TRPC4: variants seen among roughly 807,000 people sequenced by gnomAD.
The protein encoded by TRPC4 is transient receptor potential cation channel subfamily C member 4.
Under a neutral mutation model 99.4 loss-of-function variants are expected in TRPC4, and 49 were observed. That is an observed-to-expected ratio of 0.49 (90% CI 0.39 to 0.63). The LOEUF (loss-of-function observed/expected upper bound fraction) is 0.63, where lower values mean the gene tolerates loss of function less well. Ranked by LOEUF, TRPC4 falls within the 20% of genes least tolerant of loss-of-function variation. The pLI is 0.00. For missense variants in TRPC4, 898 were observed against 1,152.9 expected (o/e 0.78, Z 3.20); for synonymous variants, 454 against 425.9 (o/e 1.07, Z -0.81).
intron 3 of TRPC4, among the ~76,000 whole-genome samples, chr13:37,702,199 T>C (rs1004594601): frequency 6.6e-6 from 1 of 152,190 alleles, no homozygotes; most frequent in African/African-American, 2.4e-5. Context: ...AGATAACCAG[T>C]CATATTGGAG....
chr13:37,730,158 C>A (rs1955196911), intron 3 of TRPC4, among the ~76,000 whole-genome samples: 1 of 151,920 alleles, frequency 6.6e-6, no homozygotes, highest in African/African-American at 2.4e-5. Flanking sequence ...TTTGAAAATG[C>A]AATGGATCTC....
At chr13:37,668,230 G>C (rs193268913) in intron 5 of TRPC4, among the ~76,000 whole-genome samples, 3 of 152,254 alleles carry the variant, frequency 2.0e-5, no homozygotes, top group Admixed American at 2.0e-4. Flanking sequence ...ATGTACCCTA[G>C]TTTGGTTTTT....
intron 3 of TRPC4, among the ~76,000 whole-genome samples, chr13:37,716,462 G>A (rs1042079660): frequency 4.6e-5 from 7 of 152,184 alleles, no homozygotes; most frequent in African/African-American, 1.4e-4. Flanking sequence ...TTGCCAATAC[G>A]GGGTAGCTCA....
intron 3 of TRPC4, among the ~76,000 whole-genome samples, chr13:37,726,628 A>C (rs891117250): frequency 3.9e-5 from 6 of 152,160 alleles, no homozygotes; most frequent in Admixed American, 1.3e-4. Context: ...TTTAAATGTA[A>C]ATGAATGAAA....
intron 1 of TRPC4, among the ~76,000 whole-genome samples, chr13:37,811,482 C>A (rs1957683956): frequency 6.6e-6 from 1 of 152,124 alleles, no homozygotes. Flanking sequence ...TGGAGCCTTT[C>A]AAACTCCCTC....
At chr13:37,640,691 TGA>T (rs902160418) in intron 8 of TRPC4, among the ~76,000 whole-genome samples, 12 of 152,314 alleles carry the variant, frequency 7.9e-5, no homozygotes, top group Non-Finnish European at 1.6e-4. Flanking sequence ...TGACTCATAT[TGA>T]GACATAGCTC....
At chr13:37,760,221 T>C (rs1866029941) in intron 2 of TRPC4, among the ~76,000 whole-genome samples, 1 of 152,110 alleles carries the variant, frequency 6.6e-6, no homozygotes, top group South Asian at 2.1e-4. Context: ...GGTCAATCTC[T>C]ATATTAAAAT....
intron 2 of TRPC4, among the ~76,000 whole-genome samples, chr13:37,762,271 CCTGA>C (rs1457649362): frequency 6.6e-6 from 1 of 151,790 alleles, no homozygotes; most frequent in East Asian, 1.9e-4. Flanking sequence ...CCTGTTGTTT[CCTGA>C]CTTTTTGTTC....
intron 3 of TRPC4, among the ~76,000 whole-genome samples, chr13:37,692,593 C>T (rs1317336613): frequency 6.6e-6 from 1 of 152,038 alleles, no homozygotes; most frequent in East Asian, 1.9e-4. Context: ...CTTGAGGAAG[C>T]AAAAATAGAA....
At chr13:37,750,835 AC>A (rs764224570) in intron 2 of TRPC4, among the ~76,000 whole-genome samples, 5 of 151,214 alleles carry the variant, frequency 3.3e-5, no homozygotes, top group Admixed American at 1.3e-4. Flanking sequence ...TGTGTGATGT[AC>A]CCCTCCCTGT....
At chr13:37,754,347 T>C (rs1956040552) in intron 2 of TRPC4, among the ~76,000 whole-genome samples, 4 of 152,166 alleles carry the variant, frequency 2.6e-5, no homozygotes, top group Admixed American at 2.6e-4. Context: ...CAATAACTAC[T>C]ACTTTTCCAT....
In TRPC4 at chr13:37,715,748, T is replaced by C. The variant is rs73456501; in HGVS notation, c.898-23413A>G. On this transcript the variant is annotated intron_variant, in intron 3 of 10. Coordinates refer to ENST00000379705, the MANE Select transcript of TRPC4 (RefSeq NM_016179.4). ...TATTACTCACTAGATCATAACATCA[T>C]AGGCTGTTTTGTCAGATAAGACACT... is the stretch of plus-strand genomic sequence containing the variant. Among the ~76,000 whole-genome samples, 361 of 152,334 alleles carry C rather than the reference T, an allele frequency of 2.4e-3. 3 individuals are homozygous for C. Among genetic ancestry groups the C allele is most frequent in the African/African-American group, 8.5e-3 (352 of 41,580 alleles).
intron 2 of TRPC4, among the ~76,000 whole-genome samples, chr13:37,755,047 C>A (rs982977821): frequency 5.9e-5 from 9 of 151,960 alleles, no homozygotes; most frequent in African/African-American, 1.7e-4. Flanking sequence ...ATCTCTGTCA[C>A]TAAAATATAC....
intron 3 of TRPC4, among the ~76,000 whole-genome samples, chr13:37,712,427 C>G (rs1954516371): frequency 6.6e-6 from 1 of 152,170 alleles, no homozygotes; most frequent in Non-Finnish European, 1.5e-5. Flanking sequence ...ACTTTGGAAG[C>G]AGATAGCCCT....
rs186177283 is a variant in TRPC4 at position 37,637,516 on chromosome 13, G to A, written c.2321C>T (p.Ser774Leu). 8.1e-6 allele frequency: 13 copies of A among 1,613,724 alleles called. No individual in the cohort carries two copies. Among genetic ancestry groups the A allele is most frequent in the Admixed American group, 6.7e-5 (4 of 59,968 alleles). The change falls in exon 11 of 11, where the codon TCG (serine) becomes TTG (leucine). Residue 774 changes from serine (S) to leucine (L), a missense_variant. By Grantham distance (145) the Ser-to-Leu change is moderately radical. Transcript: ENST00000379705. The part of the protein sequence containing the change: ...SANASKESSN[S>L]ADSDEKSDSE... ...ATCACTCTTTTCATCTGAGTCTGCC[G>A]AATTTGAAGACTCCTTCGAGGCATT...
chr13:37,736,575 A>G (rs1240244810), intron 3 of TRPC4, among the ~76,000 whole-genome samples: 2 of 152,162 alleles, frequency 1.3e-5, no homozygotes, highest in Non-Finnish European at 2.9e-5. Flanking sequence ...CCAAGTATGT[A>G]CTATACAATG....
chr13:37,810,985 C>T (rs9603261), intron 1 of TRPC4, among the ~76,000 whole-genome samples: 1,969 of 152,012 alleles, frequency 0.013, 40 homozygotes, highest in African/African-American at 0.045. Flanking sequence ...CTATTATAAT[C>T]GCATGCTTTC....
At chr13:37,823,882 T>C (rs1958110359) in intron 1 of TRPC4, among the ~76,000 whole-genome samples, 1 of 150,600 alleles carries the variant, frequency 6.6e-6, no homozygotes, top group African/African-American at 2.4e-5. Context: ...ATTTTCATGA[T>C]ATTGATTCTT....
At chr13:37,815,119 T>C (rs892356803) in intron 1 of TRPC4, among the ~76,000 whole-genome samples, 8 of 151,622 alleles carry the variant, frequency 5.3e-5, no homozygotes, top group African/African-American at 1.9e-4. Context: ...TGACTATATA[T>C]CAACATGAAA....
Sources: allele counts gnomAD v4.1 joint callset (sites outside exome capture counted in the v4.1 genomes callset), GRCh38; gene constraint gnomAD v4.1.1; transcripts MANE v1.5; gene names NCBI Gene and HGNC (gene_info 2026-07-23, HGNC 2026-07-21).